ST3GAL3: variants seen among roughly 807,000 people sequenced by gnomAD.
ST3GAL3 encodes ST3 beta-galactoside alpha-2,3-sialyltransferase 3.
Under a neutral mutation model 50.1 loss-of-function variants are expected in ST3GAL3, and 21 were observed. That is an observed-to-expected ratio of 0.42 (90% CI 0.30 to 0.60). The LOEUF is 0.60. Among genes scored for constraint, ST3GAL3 ranks in the 20% least tolerant of loss-of-function variants. The pLI is 0.19. For synonymous variants in ST3GAL3, 183 were observed against 190.0 expected (o/e 0.96, Z 0.30); for missense variants, 353 against 489.4 (o/e 0.72, Z 2.63).
intron 2 of ST3GAL3, among the ~76,000 whole-genome samples, chr1:43,766,856 C>CA (rs1417187066): frequency 1.3e-5 from 2 of 151,960 alleles, no homozygotes; most frequent in African/African-American, 4.8e-5. Context: ...ATTCCCTCAG[C>CA]AAAATAAGAG....
At chr1:43,887,244 C>T (rs2076115607) in intron 5 of ST3GAL3, among the ~76,000 whole-genome samples, 1 of 152,148 alleles carries the variant, frequency 6.6e-6, no homozygotes, top group South Asian at 2.1e-4. Context: ...TTCTCGCAGC[C>T]CCTCAAGTAT....
At chr1:43,742,380 C>A (rs374251823) in intron 2 of ST3GAL3, among the ~76,000 whole-genome samples, 1 of 151,732 alleles carries the variant, frequency 6.6e-6, no homozygotes, top group South Asian at 2.1e-4. Context: ...CAAGAGAGGT[C>A]AAAAATGCCA....
At chr1:43,714,432 CA>C (rs35400929) in intron 1 of ST3GAL3, among the ~76,000 whole-genome samples, 1,050 of 73,718 alleles carry the variant, frequency 0.014, 17 homozygotes, top group African/African-American at 0.058. Context: ...TACTAAAATA[CA>C]AAAAAAAAAA....
chr1:43,895,030 G>A (rs1018720233), intron 6 of ST3GAL3, among the ~76,000 whole-genome samples: 1 of 152,154 alleles, frequency 6.6e-6, no homozygotes, highest in African/African-American at 2.4e-5. Context: ...CCAGTATAGC[G>A]GAGATTCAGA....
intron 2 of ST3GAL3, among the ~76,000 whole-genome samples, chr1:43,773,567 A>G (rs1696106690): frequency 6.6e-6 from 1 of 152,228 alleles, no homozygotes; most frequent in African/African-American, 2.4e-5. Context: ...ATGGATAGAT[A>G]GATAGATGAT....
At chr1:43,749,814 T>C (rs1685327393) in intron 2 of ST3GAL3, among the ~76,000 whole-genome samples, 1 of 152,152 alleles carries the variant, frequency 6.6e-6, no homozygotes, top group Admixed American at 6.5e-5. Flanking sequence ...AATGCCATTA[T>C]AAAAAGGGCT....
rs188564320 is a variant in ST3GAL3 at position 43,845,299 on chromosome 1, A to G, written c.302+6988A>G. 5.1e-3 allele frequency among the ~76,000 whole-genome samples: 770 copies of G among 151,542 alleles called. 3 individuals carry two copies. Among genetic ancestry groups the G allele is most frequent in the Non-Finnish European group, 8.1e-3 (547 of 67,820 alleles). ...TGCCTAGCCAGGGAAGTTTTTTTTTATTATTATTATTACAAATTAAATTTC... is the reference window on the plus strand; with the variant it reads ...TGCCTAGCCAGGGAAGTTTTTTTTTGTTATTATTATTACAAATTAAATTTC... On this transcript the variant is annotated intron_variant, in intron 5 of 11. Transcript: ENST00000347631.
intron 11 of ST3GAL3, among the ~76,000 whole-genome samples, chr1:43,926,038 G>A (rs2083858631): frequency 6.6e-6 from 1 of 152,160 alleles, no homozygotes. Flanking sequence ...CGTGGTAAGG[G>A]ATCTCTCAGG....
chr1:43,726,874 G>A (rs1281576601), intron 1 of ST3GAL3, among the ~76,000 whole-genome samples: 3 of 152,184 alleles, frequency 2.0e-5, no homozygotes, highest in Non-Finnish European at 4.4e-5. Flanking sequence ...GATTACAGGT[G>A]TAAGCCATTG....
At chr1:43,723,944 T>C (rs1201577148) in intron 1 of ST3GAL3, among the ~76,000 whole-genome samples, 2 of 152,140 alleles carry the variant, frequency 1.3e-5, no homozygotes, top group African/African-American at 2.4e-5. Flanking sequence ...GCAAATGGAC[T>C]AAGAGTCAGC....
At chr1:43,870,438 G>A (rs935884998) in intron 5 of ST3GAL3, among the ~76,000 whole-genome samples, 1 of 152,226 alleles carries the variant, frequency 6.6e-6, no homozygotes, top group Non-Finnish European at 1.5e-5. Context: ...TCTGGGGAGG[G>A]GAACCTGGGA....
At chr1:43,798,156 C>A (rs2058898071) in intron 3 of ST3GAL3, among the ~76,000 whole-genome samples, 1 of 152,184 alleles carries the variant, frequency 6.6e-6, no homozygotes, top group African/African-American at 2.4e-5. Flanking sequence ...TACCCTCTCC[C>A]CCTTTCCTGT....
chr1:43,835,296 A>G (rs995648677), intron 4 of ST3GAL3, among the ~76,000 whole-genome samples: 2 of 152,154 alleles, frequency 1.3e-5, no homozygotes, highest in African/African-American at 4.8e-5. Flanking sequence ...TTTGACCGCT[A>G]ACTGCCCCAG....
intron 5 of ST3GAL3, among the ~76,000 whole-genome samples, chr1:43,856,039 C>A (rs903821351): frequency 6.6e-6 from 1 of 152,140 alleles, no homozygotes; most frequent in African/African-American, 2.4e-5. Context: ...TTTACAACTG[C>A]GGTCATCTGA....
chr1:43,710,374 A>G (rs922596794), intron 1 of ST3GAL3, among the ~76,000 whole-genome samples: 2 of 152,168 alleles, frequency 1.3e-5, no homozygotes, highest in African/African-American at 2.4e-5. Context: ...GAGCCACCAT[A>G]CCTAGCCTGG....
rs1024424772 is a variant in ST3GAL3 at position 43,723,407 on chromosome 1, C to G, written c.-30-12826C>G. ...TACAGGCGTGAGCCACCACGCCCGG[C>G]CTTCCCTCCTCTCTTGGCATGTGAT... On this transcript the variant is annotated intron_variant, in intron 1 of 11. Transcript: ENST00000347631. Among the ~76,000 whole-genome samples, 3 of 151,948 alleles carry G rather than the reference C, an allele frequency of 2.0e-5. No individual in the cohort carries two copies. The East Asian group carries it at 5.9e-4, about 30-fold the overall frequency.
intron 3 of ST3GAL3, among the ~76,000 whole-genome samples, chr1:43,808,099 C>A (rs1478653345): frequency 6.6e-6 from 1 of 151,906 alleles, no homozygotes; most frequent in Non-Finnish European, 1.5e-5. Flanking sequence ...GTCAGGAGTT[C>A]GAGACTGGCC....
intron 2 of ST3GAL3, among the ~76,000 whole-genome samples, chr1:43,747,851 G>A (rs967399757): frequency 2.0e-5 from 3 of 151,954 alleles, no homozygotes; most frequent in African/African-American, 4.8e-5. Flanking sequence ...AAGGTGTTGG[G>A]ATTACAGGTG....
At chr1:43,779,076 G>T (rs1038646302) in intron 2 of ST3GAL3, among the ~76,000 whole-genome samples, 4 of 151,948 alleles carry the variant, frequency 2.6e-5, no homozygotes, top group Admixed American at 2.0e-4. Context: ...CGAGTAGATG[G>T]GATTACAGGC....
Sources: gnomAD v4.1 joint callset for allele counts (sites outside exome capture counted in the v4.1 genomes callset) on GRCh38, gnomAD v4.1.1 for gene constraint, MANE v1.5 for transcripts, NCBI Gene and HGNC (gene_info 2026-07-23, HGNC 2026-07-21) for gene names.